The following MCC variants were observed in gnomAD, a reference collection of about 807,000 sequenced individuals.
MCC encodes MCC regulator of Wnt signaling pathway.
A neutral mutation model predicts 116.2 loss-of-function variants in MCC; 90 were observed. That is an observed-to-expected ratio of 0.77 (90% CI 0.65 to 0.92). MCC has a LOEUF of 0.92. MCC is among the 40% of genes least tolerant of loss of function. The probability of loss-of-function intolerance (pLI) is 0.00; values close to 1 mark genes in which losing one functional copy is unlikely to be tolerated. For synonymous variants in MCC, 578 were observed against 510.5 expected, an observed-to-expected ratio of 1.13 and a Z score of -1.78; for missense variants, 1,516 against 1,312.2, an observed-to-expected ratio of 1.16 and a Z score of -2.40.
chr5:113,084,606 G>A (rs1054429578), intron 9 of MCC, among the ~76,000 whole-genome samples: 3 of 147,148 alleles, frequency 2.0e-5, no homozygotes, highest in Non-Finnish European at 4.4e-5. Context: ...CAACCTTATT[G>A]TGGTGGCTAG....
chr5:113,171,637 G>A (rs1000648075), intron 3 of MCC, among the ~76,000 whole-genome samples: 7 of 152,090 alleles, frequency 4.6e-5, no homozygotes, highest in African/African-American at 1.7e-4. Context: ...TTAGGGGCAT[G>A]AGCCACCGCG....
At chr5:113,030,374 A>G (rs557845905) in intron 17 of MCC, among the ~76,000 whole-genome samples, 1 of 152,298 alleles carries the variant, frequency 6.6e-6, no homozygotes, top group Admixed American at 6.5e-5. Flanking sequence ...TGCTTGAAAA[A>G]TATTTTTAAA....
At chr5:113,363,974 C>G (rs1768613134) in intron 2 of MCC, among the ~76,000 whole-genome samples, 2 of 152,132 alleles carry the variant, frequency 1.3e-5, no homozygotes, top group Non-Finnish European at 2.9e-5. Flanking sequence ...TGGCTCAAGC[C>G]TGTAATCTCA....
chr5:113,294,424 C>A, intron 3 of MCC: 1 of 1,613,260 alleles, frequency 6.2e-7, no homozygotes, highest in South Asian at 1.1e-5. Flanking sequence ...TCCCCCAGGT[C>A]TCGGAGCTTA....
chr5:113,158,218 C>T (rs1760283013), intron 3 of MCC, among the ~76,000 whole-genome samples: 1 of 152,240 alleles, frequency 6.6e-6, no homozygotes, highest in Admixed American at 6.5e-5. Context: ...GACTACTGTA[C>T]TATTCTGTCT....
At chr5:113,143,139 A>C (rs113655241) in intron 5 of MCC, 79 bp downstream of exon 5, 15 of 1,464,370 alleles carry the variant, frequency 1.0e-5, no homozygotes, top group Non-Finnish European at 1.4e-5. Context: ...CTTGGAGTTA[A>C]AATAGTTGGG....
At chr5:113,241,936 A>G (rs1764382980) in intron 3 of MCC, among the ~76,000 whole-genome samples, 1 of 152,182 alleles carries the variant, frequency 6.6e-6, no homozygotes, top group African/African-American at 2.4e-5. Context: ...GATTTTTTAC[A>G]TTCTTTTAGG....
At chr5:113,070,559 C>G (rs1561777890) in intron 12 of MCC, among the ~76,000 whole-genome samples, 1 of 151,982 alleles carries the variant, frequency 6.6e-6, no homozygotes, top group African/African-American at 2.4e-5. Flanking sequence ...GGATTTTATC[C>G]AGAGGAAAAT....
chr5:113,298,515 G>A (rs1766767448), intron 3 of MCC, among the ~76,000 whole-genome samples: 1 of 152,212 alleles, frequency 6.6e-6, no homozygotes, highest in Non-Finnish European at 1.5e-5. Flanking sequence ...AGGAAAATGG[G>A]AGATGAGACT....
At chr5:113,194,942 C>G (rs1762325271) in intron 3 of MCC, among the ~76,000 whole-genome samples, 1 of 152,196 alleles carries the variant, frequency 6.6e-6, no homozygotes, top group African/African-American at 2.4e-5. Flanking sequence ...CTTCTGTTGT[C>G]AGTGACAACA....
intron 3 of MCC, among the ~76,000 whole-genome samples, chr5:113,174,563 T>C (rs1761232705): frequency 6.6e-6 from 1 of 151,948 alleles, no homozygotes; most frequent in Non-Finnish European, 1.5e-5. Context: ...TTGAAGACCT[T>C]GGAGAAAAAA....
rs118111233 is a variant in MCC, at chr5:113,044,181, G to A, written c.2656-551C>T. 2.7e-4 allele frequency among the ~76,000 whole-genome samples: 41 copies of A among 152,296 alleles called. No homozygotes were observed. In the East Asian group the frequency reaches 7.1e-3, roughly 27 times the overall value. On this transcript the variant is annotated intron_variant, in intron 16 of 18. Coordinates refer to ENST00000408903, the MANE Select transcript of MCC (RefSeq NM_001085377.2). ...CATCCCACGTCTCCTTGGGAGAAAA[G>A]CAAACTCCTTTAGATTTAGGAGCCT...
At chr5:113,205,785 G>C (rs1214246540) in intron 3 of MCC, among the ~76,000 whole-genome samples, 1 of 152,150 alleles carries the variant, frequency 6.6e-6, no homozygotes, top group Non-Finnish European at 1.5e-5. Flanking sequence ...AACCATGAGG[G>C]GTGGCATGGG....
intron 1 of MCC, among the ~76,000 whole-genome samples, chr5:113,423,500 G>A (rs1391659287): frequency 2.0e-5 from 3 of 152,184 alleles, no homozygotes; most frequent in Non-Finnish European, 4.4e-5. Context: ...CAACTTTCTA[G>A]AACATAATTA....
chr5:113,084,079 C>T (rs1335048225), intron 10 of MCC, 22 bp downstream of exon 10: 1 of 1,604,898 alleles, frequency 6.2e-7, no homozygotes, highest in South Asian at 1.1e-5. Flanking sequence ...ACTTTCTTGC[C>T]TTGCTTCTCA....
In MCC at chr5:113,104,356, CTG is replaced by C; in HGVS notation, c.1028-3_1028-2del. The C allele has an allele frequency of 6.2e-7, 1 of 1,603,230 alleles. No individual in the cohort carries two copies. Among genetic ancestry groups the C allele is most frequent in the Non-Finnish European group, 8.5e-7 (1 of 1,173,626 alleles). On this transcript the variant is annotated splice_acceptor_variant and splice_polypyrimidine_tract_variant and intron_variant, in intron 6 of 18. Transcript: ENST00000408903. LOFTEE classifies it high-confidence loss of function. ...TCTGAGTTCAGGTCACTGCAGTTGT[CTG>C]TGAGTGAATGAAGACAAAATGCGTT... is the stretch of plus-strand genomic sequence containing the variant.
chr5:113,323,571 G>A (rs1767477439), intron 3 of MCC, among the ~76,000 whole-genome samples: 1 of 152,208 alleles, frequency 6.6e-6, no homozygotes, highest in South Asian at 2.1e-4. Context: ...TGTGGCCAGA[G>A]CAAATTCCTG....
At chr5:113,157,474 G>A (rs894473250) in intron 3 of MCC, among the ~76,000 whole-genome samples, 16 of 152,212 alleles carry the variant, frequency 1.1e-4, no homozygotes, top group African/African-American at 3.6e-4. Context: ...TGAGGCAGAG[G>A]AATGAGTTCA....
intron 6 of MCC, among the ~76,000 whole-genome samples, chr5:113,109,412 A>G (rs1756944491): frequency 6.6e-6 from 1 of 152,236 alleles, no homozygotes; most frequent in Non-Finnish European, 1.5e-5. Context: ...CAGACACAAC[A>G]TGACAAATAT....
Sources: allele counts gnomAD v4.1 joint callset (sites outside exome capture counted in the v4.1 genomes callset), GRCh38; gene constraint gnomAD v4.1.1; transcripts MANE v1.5; gene names NCBI Gene and HGNC (gene_info 2026-07-23, HGNC 2026-07-21).